Variants in GALNT14 observed in about 807,000 individuals in gnomAD.
GALNT14 encodes the protein polypeptide N-acetylgalactosaminyltransferase 14.
In GALNT14, 60 loss-of-function variants were observed where a neutral mutation model predicts 77.5. The ratio of observed to expected loss-of-function variants is 0.77; its 90% CI spans 0.63 to 0.96. GALNT14 has a LOEUF of 0.96. Among genes scored for constraint, GALNT14 ranks in the 40% least tolerant of loss-of-function variants. GALNT14 has a pLI of 0.00. For missense variants in GALNT14, 710 were observed against 731.0 expected (o/e 0.97, Z 0.33); for synonymous variants, 280 against 281.7 (o/e 0.99, Z 0.06).
intron 6 of GALNT14, among the ~76,000 whole-genome samples, chr2:30,951,930 A>G (rs1406938672): frequency 6.6e-6 from 1 of 152,180 alleles, no homozygotes; most frequent in Non-Finnish European, 1.5e-5. Context: ...TCAGAGGCAG[A>G]GGTCCTGAGG....
At chr2:31,102,520 GTATTTTTTCTACCTTTTGGGATT>G (rs575897071) in intron 1 of GALNT14, among the ~76,000 whole-genome samples, 276 of 152,110 alleles carry the variant, frequency 1.8e-3, no homozygotes, top group Non-Finnish European at 2.5e-3. Context: ...AGAGAATATT[GTATTTTTTCTACCTTTTGGGATT>G]TATTGAGGTT....
At chr2:30,937,757 G>A (rs1036948390) in intron 9 of GALNT14, among the ~76,000 whole-genome samples, 4 of 152,130 alleles carry the variant, frequency 2.6e-5, no homozygotes, top group African/African-American at 7.2e-5. Flanking sequence ...GACCCGAAAC[G>A]CATCTGGGAA....
At chr2:30,919,124 T>A (rs759414429) in intron 13 of GALNT14, among the ~76,000 whole-genome samples, 1 of 152,158 alleles carries the variant, frequency 6.6e-6, no homozygotes, top group Non-Finnish European at 1.5e-5. Flanking sequence ...GGATGGAAAC[T>A]AGATTGGTGC....
At chr2:31,035,618 T>TACACACACACACAC (rs530565205) in intron 1 of GALNT14, among the ~76,000 whole-genome samples, 1 of 51,240 alleles carries the variant, frequency 2.0e-5, no homozygotes, top group African/African-American at 8.4e-5. Flanking sequence ...CACACACACC[T>TACACACACACACAC]ACACACACAC....
chr2:30,930,953 C>T (rs1355766108), intron 10 of GALNT14, among the ~76,000 whole-genome samples: 1 of 152,206 alleles, frequency 6.6e-6, no homozygotes, highest in Non-Finnish European at 1.5e-5. Flanking sequence ...GTCTGGAGCC[C>T]CAGGCTCTGC....
intron 1 of GALNT14, among the ~76,000 whole-genome samples, chr2:31,133,263 A>T (rs1035547234): frequency 6.6e-6 from 1 of 152,202 alleles, no homozygotes; most frequent in African/African-American, 2.4e-5. Context: ...AGCGGGCAAC[A>T]AGAACCCGTT....
chr2:31,092,289 T>C (rs1311688476), intron 1 of GALNT14, among the ~76,000 whole-genome samples: 2 of 151,390 alleles, frequency 1.3e-5, no homozygotes, highest in Non-Finnish European at 2.9e-5. Flanking sequence ...ATATATCTCC[T>C]ATTAGTTCTG....
the GALNT14 span, among the ~76,000 whole-genome samples, chr2:30,887,564 T>C: frequency 2.0e-4 from 31 of 152,200 alleles, no homozygotes; most frequent in Admixed American, 6.5e-4. Context: ...TTCAGGTAAG[T>C]TGTCTTTTTG....
At chr2:30,901,142 G>A in the GALNT14 span, among the ~76,000 whole-genome samples, 1 of 152,166 alleles carries the variant, frequency 6.6e-6, no homozygotes, top group Non-Finnish European at 1.5e-5. Context: ...AGAGGCAAAG[G>A]CAAACCTTTC....
At chr2:31,080,861 G>A (rs1676115276) in intron 1 of GALNT14, among the ~76,000 whole-genome samples, 1 of 152,210 alleles carries the variant, frequency 6.6e-6, no homozygotes, top group Non-Finnish European at 1.5e-5. Context: ...ACTTGTTTCA[G>A]CTTGAAAGAT....
At chr2:30,916,806 C>T (rs570480524) in intron 13 of GALNT14, among the ~76,000 whole-genome samples, 409 of 152,082 alleles carry the variant, frequency 2.7e-3, no homozygotes, top group Non-Finnish European at 3.5e-3. Flanking sequence ...GGGTCAGGCG[C>T]GGTGGCTCTT....
intron 5 of GALNT14, 44 bp downstream of exon 5, chr2:30,955,868 C>A (rs749460513): frequency 6.2e-7 from 1 of 1,612,626 alleles, no homozygotes; most frequent in Admixed American, 1.7e-5. Flanking sequence ...CTTCGACCCC[C>A]CGACACTCAC....
chr2:30,996,958 C>A (rs1356821522), intron 1 of GALNT14, among the ~76,000 whole-genome samples: 1 of 152,148 alleles, frequency 6.6e-6, no homozygotes, highest in Admixed American at 6.5e-5. Context: ...AATACCACTA[C>A]ATAAAGAATA....
chr2:30,989,981 T>G (rs561733106), intron 2 of GALNT14, among the ~76,000 whole-genome samples: 6 of 152,084 alleles, frequency 3.9e-5, no homozygotes, highest in African/African-American at 1.4e-4. Flanking sequence ...TTGCTGGTGA[T>G]GGGGTTGATA....
At chr2:30,964,836 T>G (rs1371277225) in intron 3 of GALNT14, among the ~76,000 whole-genome samples, 1 of 152,206 alleles carries the variant, frequency 6.6e-6, no homozygotes, top group Admixed American at 6.5e-5. Flanking sequence ...GTGACCCTAC[T>G]GCAGGACTTA....
intron 1 of GALNT14, among the ~76,000 whole-genome samples, chr2:31,013,475 A>C (rs1372770267): frequency 6.6e-6 from 1 of 152,220 alleles, no homozygotes; most frequent in Non-Finnish European, 1.5e-5. Flanking sequence ...AGCTGACCTC[A>C]AACTTCCCCG....
intron 1 of GALNT14, among the ~76,000 whole-genome samples, chr2:31,066,573 T>C: frequency 6.6e-6 from 1 of 150,750 alleles, no homozygotes; most frequent in East Asian, 2.0e-4. Context: ...CTGACAGGAG[T>C]TGGACACGAA....
chr2:31,073,487 G>T (rs111675525), intron 1 of GALNT14, among the ~76,000 whole-genome samples: 327 of 30,840 alleles, frequency 0.011, 2 homozygotes, highest in African/African-American at 0.05. Flanking sequence ...GAATAAAGAG[G>T]GGGGGGGAAC....
chr2:30,904,319 G>A, the GALNT14 span, among the ~76,000 whole-genome samples: 2 of 152,214 alleles, frequency 1.3e-5, no homozygotes, highest in Admixed American at 1.3e-4. Context: ...TCTTTAGGAA[G>A]TGCCAGACAG....
Sources: allele counts gnomAD v4.1 joint callset (sites outside exome capture counted in the v4.1 genomes callset), GRCh38; gene constraint gnomAD v4.1.1; transcripts MANE v1.5; gene names NCBI Gene and HGNC (gene_info 2026-07-23, HGNC 2026-07-21).